Variants in TMEM61 observed in about 807,000 individuals in gnomAD.
The protein encoded by TMEM61 is transmembrane protein 61.
A neutral mutation model predicts 12.0 loss-of-function variants in TMEM61; 13 were observed. That is an observed-to-expected ratio of 1.08 (90% CI 0.70 to 1.72). The LOEUF (loss-of-function observed/expected upper bound fraction) is 1.72, where lower values mean the gene tolerates loss of function less well. Ranked by LOEUF, TMEM61 falls within the 40% of genes most tolerant of loss-of-function variation. The probability of loss-of-function intolerance (pLI) is 0.00; values close to 1 mark genes in which losing one functional copy is unlikely to be tolerated. For missense variants in TMEM61, 249 were observed against 276.9 expected, an observed-to-expected ratio of 0.90 and a Z score of 0.71; for synonymous variants, 109 against 121.4, an observed-to-expected ratio of 0.90 and a Z score of 0.67.
chr1:54,986,188 C>A lies in TMEM61; in HGVS notation c.107C>A (p.Ala36Asp). The change falls in exon 2 of 3, where the codon GCT becomes GAT. Residue 36 changes from alanine (A) to aspartate (D), a missense_variant. Transcript: ENST00000371268. ...VVLVAGTLCF[A>D]WWSEGDATAQ... Reference sequence around the variant, plus strand: ...CTGGTGGCCGGGACGCTCTGCTTCGCTTGGTGGAGCGAAGGGGATGCAACC... The same window carrying A: ...CTGGTGGCCGGGACGCTCTGCTTCGATTGGTGGAGCGAAGGGGATGCAACC... The A allele has an allele frequency of 6.2e-7, 1 of 1,613,852 alleles. No homozygotes were observed. The highest frequency in any genetic ancestry group is 8.5e-7 in the Non-Finnish European group (1 of 1,179,942).
intron 1 of TMEM61, among the ~76,000 whole-genome samples, chr1:54,984,953 T>G (rs547553428): frequency 1.3e-5 from 2 of 152,076 alleles, no homozygotes; most frequent in South Asian, 4.1e-4. Context: ...CCCTTCCAGG[T>G]TTTTCCCCCC....
intron 2 of TMEM61, among the ~76,000 whole-genome samples, chr1:54,991,503 C>T (rs938481178): frequency 2.0e-5 from 3 of 152,192 alleles, no homozygotes; most frequent in African/African-American, 7.2e-5. Context: ...CAACATGAAA[C>T]ACCCATAAGC....
chr1:54,984,502 C>T (rs1471789332), intron 1 of TMEM61, among the ~76,000 whole-genome samples: 1 of 152,202 alleles, frequency 6.6e-6, no homozygotes, highest in African/African-American at 2.4e-5. Context: ...CCTGCACTGC[C>T]TCCTCTCTCC....
chr1:54,988,994 G>A (rs771900623), intron 2 of TMEM61, among the ~76,000 whole-genome samples: 2 of 152,148 alleles, frequency 1.3e-5, no homozygotes, highest in African/African-American at 4.8e-5. Flanking sequence ...CCCTATCATC[G>A]CTGTCAGGCT....
chr1:54,984,858 T>C (rs1380535674), intron 1 of TMEM61, among the ~76,000 whole-genome samples: 1 of 152,146 alleles, frequency 6.6e-6, no homozygotes, highest in Non-Finnish European at 1.5e-5. Flanking sequence ...GACTGGAAGG[T>C]ACAATGGACA....
chr1:54,987,692 A>C (rs551310460), intron 2 of TMEM61, among the ~76,000 whole-genome samples: 1 of 152,232 alleles, frequency 6.6e-6, no homozygotes, highest in East Asian at 1.9e-4. Context: ...GGTAAGAATG[A>C]CTGTTGTGTC....
chr1:54,980,722 C>T lies in TMEM61; in HGVS notation c.-344C>T, dbSNP rs1422481429. The T allele has an allele frequency of 1.2e-4, 30 of 260,726 alleles. No homozygotes were observed. The highest frequency in any genetic ancestry group is 2.1e-4 in the Non-Finnish European group (29 of 138,398). The allele number at this position is 260,726 out of a possible 1,614,324, so 16.2% of individuals were successfully genotyped here. On this transcript the variant is annotated 5_prime_UTR_variant, in exon 1 of 3. Coordinates refer to ENST00000371268, the MANE Select transcript of TMEM61 (RefSeq NM_182532.3). Reference sequence around the variant, plus strand: ...GGGCGAGGCCCGGGTCCCGCGCTCCCCTGGGCGCCCCACGGCAGCCTCAGA... The same window carrying T: ...GGGCGAGGCCCGGGTCCCGCGCTCCTCTGGGCGCCCCACGGCAGCCTCAGA...
intron 1 of TMEM61, among the ~76,000 whole-genome samples, chr1:54,983,504 A>G (rs964594469): frequency 2.6e-5 from 4 of 152,146 alleles, no homozygotes; most frequent in African/African-American, 9.7e-5. Context: ...TACAAAGTAA[A>G]AAGCAGTGTA....
rs150005758 is a variant in TMEM61 at position 54,990,041 on chromosome 1, A to G, written c.366-1795A>G. Among the ~76,000 whole-genome samples, 36 of 152,188 alleles carry G rather than the reference A, an allele frequency of 2.4e-4. No individual in the cohort carries two copies. The East Asian group carries it at 7.0e-3, about 29-fold the overall frequency. On this transcript the variant is annotated intron_variant, in intron 2 of 2. Coordinates refer to ENST00000371268, the MANE Select transcript of TMEM61 (RefSeq NM_182532.3). The stretch of plus-strand genomic sequence containing the variant: ...TTCAGAGAAGGTGTAAATGTGGTCC[A>G]GGTCACACAGCAGTAGAACCCAACT...
At position 54,986,424 on chromosome 1, in the gene TMEM61, T is replaced by A. The variant is rs1478694960; in HGVS notation, c.343T>A (p.Ser115Thr). 1 of 1,571,310 alleles carries A rather than the reference T, an allele frequency of 6.4e-7. No individual in the cohort carries two copies. The highest frequency in any genetic ancestry group is 1.8e-5 in the Admixed American group (1 of 56,936). Residue 115 changes from serine to threonine, a missense_variant, in exon 2 of 3, where the codon TCC becomes ACC. Coordinates refer to ENST00000371268, the MANE Select transcript of TMEM61 (RefSeq NM_182532.3). Reference protein sequence around the residue: ...SRDLYYLTVESSEKESCRTPK... With the variant: ...SRDLYYLTVETSEKESCRTPK... Reference sequence around the variant, plus strand: ...AGACCTGTACTACCTCACTGTGGAGTCCTCAGAGAAGGAGAGCTGCAGGTC... The same window carrying A: ...AGACCTGTACTACCTCACTGTGGAGACCTCAGAGAAGGAGAGCTGCAGGTC...
At position 54,986,462 on chromosome 1, in the gene TMEM61, T is replaced by C; in HGVS notation, c.365+16T>C. Reference sequence around the variant, plus strand: ...AGAGCTGCAGGTCAGCAGGGCGGGGTGTGGCAGCGGGTGGGGACTGCAGGT... The same window carrying C: ...AGAGCTGCAGGTCAGCAGGGCGGGGCGTGGCAGCGGGTGGGGACTGCAGGT... On this transcript the variant is annotated intron_variant, in intron 2 of 2. Transcript: ENST00000371268. The C allele has an allele frequency of 6.5e-7, 1 of 1,534,748 alleles. No individual in the cohort carries two copies. The highest frequency in any genetic ancestry group is 8.8e-7 in the Non-Finnish European group (1 of 1,135,508).
At chr1:54,985,002 T>C (rs965026902) in intron 1 of TMEM61, among the ~76,000 whole-genome samples, 4 of 152,210 alleles carry the variant, frequency 2.6e-5, no homozygotes, top group African/African-American at 7.2e-5. Flanking sequence ...ACTGTATGCA[T>C]AATTTAGTAT....
intron 2 of TMEM61, among the ~76,000 whole-genome samples, chr1:54,990,268 G>T (rs1045971485): frequency 6.6e-6 from 1 of 151,828 alleles, no homozygotes; most frequent in Non-Finnish European, 1.5e-5. Context: ...GGGATTTCTG[G>T]CTGGTGCCCT....
At chr1:54,989,656 T>C (rs1644282777) in intron 2 of TMEM61, among the ~76,000 whole-genome samples, 1 of 152,230 alleles carries the variant, frequency 6.6e-6, no homozygotes, top group Non-Finnish European at 1.5e-5. Context: ...CCTTGGCGAC[T>C]TGGAGCTGGG....
At chr1:54,984,652 G>A (rs72907627) in intron 1 of TMEM61, among the ~76,000 whole-genome samples, 6,597 of 152,272 alleles carry the variant, frequency 0.043, 458 homozygotes, top group African/African-American at 0.15. Flanking sequence ...AACAAGGCCA[G>A]CATGGACCCT....
chr1:54,991,655 C>A (rs1467553370), intron 2 of TMEM61, among the ~76,000 whole-genome samples, 181 bp from the exon 3 acceptor site: 1 of 152,212 alleles, frequency 6.6e-6, no homozygotes, highest in Non-Finnish European at 1.5e-5. Flanking sequence ...GGCGGGAAGG[C>A]TGAGGGCCAC....
intron 2 of TMEM61, among the ~76,000 whole-genome samples, chr1:54,988,923 T>C (rs1467402028): frequency 1.3e-5 from 2 of 152,218 alleles, no homozygotes; most frequent in Non-Finnish European, 2.9e-5. Context: ...TTGAGGATGT[T>C]ACTTAGACTC....
At chr1:54,990,755 G>A (rs1355118277) in intron 2 of TMEM61, among the ~76,000 whole-genome samples, 4 of 152,064 alleles carry the variant, frequency 2.6e-5, no homozygotes, top group South Asian at 2.1e-4. Flanking sequence ...CCCCACTTAC[G>A]TCCCGGGCGC....
intron 1 of TMEM61, among the ~76,000 whole-genome samples, chr1:54,982,967 C>T (rs1462944359): frequency 6.6e-6 from 1 of 151,874 alleles, no homozygotes; most frequent in Non-Finnish European, 1.5e-5. Flanking sequence ...TGGTAAATGC[C>T]CAGCCTGATA....
Sources: allele counts gnomAD v4.1 joint callset (sites outside exome capture counted in the v4.1 genomes callset), GRCh38; gene constraint gnomAD v4.1.1; transcripts MANE v1.5; gene names NCBI Gene and HGNC (gene_info 2026-07-23, HGNC 2026-07-21).